DYSF: variants seen among roughly 807,000 people sequenced by gnomAD.
The protein encoded by DYSF is dysferlin.
A neutral mutation model predicts 274.9 loss-of-function variants in DYSF; 212 were observed. That is an observed-to-expected ratio of 0.77 (90% confidence interval 0.69 to 0.86). The LOEUF is 0.86. Among genes scored for constraint, DYSF ranks in the 40% least tolerant of loss-of-function variants. DYSF has a pLI of 0.00. For missense variants in DYSF, 2,666 were observed against 2,783.2 expected (o/e 0.96, Z 0.95); for synonymous variants, 1,091 against 1,078.7 (o/e 1.01, Z -0.22).
At chr2:71,612,417 G>A (rs1319052260) in intron 38 of DYSF, among the ~76,000 whole-genome samples, 2 of 152,200 alleles carry the variant, frequency 1.3e-5, no homozygotes, top group Non-Finnish European at 2.9e-5. Context: ...GCATTTGGAA[G>A]GTAAAGCTGT....
In DYSF at chr2:71,454,040, A is replaced by G. The variant is rs1017462889; in HGVS notation, c.42A>G (p.Thr14=). The stretch of plus-strand genomic sequence containing the variant: ...TCCTCTATGCCGAGAACGTCCACAC[A>G]CCCGACACCGACATCAGCGATGCCT... Residue 14 remains threonine, a synonymous_variant, in exon 1 of 55, where the codon ACA becomes ACG. Transcript: ENST00000258104. The G allele has an allele frequency of 6.2e-6, 10 of 1,613,902 alleles. No individual in the cohort carries two copies. The highest frequency in any genetic ancestry group is 7.6e-6 in the Non-Finnish European group (9 of 1,179,976).
chr2:71,522,207 A>G (rs962137349), intron 12 of DYSF, among the ~76,000 whole-genome samples: 3 of 136,538 alleles, frequency 2.2e-5, no homozygotes, highest in Non-Finnish European at 3.1e-5. Flanking sequence ...CCTCCTCTCC[A>G]CTACTATTTT....
chr2:71,526,415 C>CCTG, intron 13 of DYSF, 69 bp downstream of exon 13: 1 of 411,246 alleles, frequency 2.4e-6, no homozygotes, highest in Non-Finnish European at 3.9e-6. Flanking sequence ...TGGGGGTGGG[C>CCTG]GATGGCGGGC....
intron 17 of DYSF, among the ~76,000 whole-genome samples, chr2:71,540,199 C>T (rs1414747661): frequency 6.6e-6 from 1 of 151,754 alleles, no homozygotes; most frequent in Non-Finnish European, 1.5e-5. Context: ...CAATCTCCGC[C>T]TCCCCAGTTC....
chr2:71,468,608 TC>T (rs2081722372), intron 1 of DYSF, among the ~76,000 whole-genome samples: 1 of 152,184 alleles, frequency 6.6e-6, no homozygotes, highest in African/African-American at 2.4e-5. Flanking sequence ...GATGATCTCC[TC>T]GGAAAACAGA....
intron 35 of DYSF, 182 bp from the exon 36 acceptor site, chr2:71,602,594 G>A: frequency 1.6e-6 from 1 of 615,638 alleles, no homozygotes; most frequent in Admixed American, 2.3e-5. Context: ...GGGCGTGGCT[G>A]GGAAGTGCAT....
intron 34 of DYSF, chr2:71,601,269 C>G (rs771677841): frequency 7.8e-6 from 5 of 638,462 alleles, no homozygotes; most frequent in African/African-American, 1.8e-5. Flanking sequence ...CAAACTTCCT[C>G]TTAGTATGAT....
intron 14 of DYSF, among the ~76,000 whole-genome samples, chr2:71,530,389 C>T (rs1443089588): frequency 2.0e-5 from 3 of 152,158 alleles, no homozygotes; most frequent in Non-Finnish European, 2.9e-5. Context: ...CTCAGAGCTC[C>T]GGGGCTCCGG....
chr2:71,569,336 C>T (rs907509276), intron 26 of DYSF, among the ~76,000 whole-genome samples: 12 of 152,314 alleles, frequency 7.9e-5, no homozygotes, highest in Admixed American at 4.6e-4. Flanking sequence ...GTCAGTCCCT[C>T]TCAGATCCAC....
intron 14 of DYSF, among the ~76,000 whole-genome samples, chr2:71,530,774 GTGTCTCATT>G (rs1462388970): frequency 6.6e-6 from 1 of 152,106 alleles, no homozygotes; most frequent in Non-Finnish European, 1.5e-5. Context: ...CTCTTATGGC[GTGTCTCATT>G]CTGCCTGTCC....
chr2:71,479,985 T>C (rs1275399875), intron 1 of DYSF, among the ~76,000 whole-genome samples: 4 of 152,242 alleles, frequency 2.6e-5, no homozygotes, highest in African/African-American at 9.6e-5. Context: ...GTTGCAATAT[T>C]GTGCAACCAT....
intron 6 of DYSF, among the ~76,000 whole-genome samples, 187 bp from the exon 7 acceptor site, chr2:71,513,529 G>A (rs558031790): frequency 6.6e-6 from 1 of 152,330 alleles, no homozygotes; most frequent in East Asian, 1.9e-4. Flanking sequence ...TTCAGCTGCT[G>A]GAAGCTCCTC....
intron 52 of DYSF, among the ~76,000 whole-genome samples, chr2:71,675,003 T>C (rs1359546688): frequency 6.6e-6 from 1 of 152,180 alleles, no homozygotes; most frequent in African/African-American, 2.4e-5. Flanking sequence ...TGATACATAC[T>C]ACACTGTAGG....
intron 29 of DYSF, among the ~76,000 whole-genome samples, chr2:71,573,002 CAGGG>C (rs2092576249): frequency 6.6e-6 from 1 of 152,242 alleles, no homozygotes; most frequent in Non-Finnish European, 1.5e-5. Flanking sequence ...CGGGGTCACA[CAGGG>C]GCCTGTGCAC....
chr2:71,620,706 A>G, intron 41 of DYSF, 97 bp downstream of exon 41: 2 of 1,290,822 alleles, frequency 1.5e-6, no homozygotes, highest in Admixed American at 4.1e-5. Flanking sequence ...AGTGGGAGGG[A>G]AGAAAGGAGG....
At chr2:71,485,730 C>T (rs1383239279) in intron 3 of DYSF, among the ~76,000 whole-genome samples, 1 of 152,146 alleles carries the variant, frequency 6.6e-6, no homozygotes, top group Non-Finnish European at 1.5e-5. Flanking sequence ...GAAAACCATA[C>T]CAGGGAGTAA....
intron 21 of DYSF, 102 bp downstream of exon 21, chr2:71,554,033 C>T: frequency 1.7e-6 from 2 of 1,192,194 alleles, no homozygotes; most frequent in South Asian, 1.3e-5. Flanking sequence ...CACACACTGA[C>T]ACACGGCTGT....
upstream of DYSF, among the ~76,000 whole-genome samples, chr2:71,465,255 C>T (rs2081457397): frequency 6.6e-6 from 1 of 152,062 alleles, no homozygotes; most frequent in Admixed American, 6.5e-5. Flanking sequence ...CCCAAGTGTC[C>T]AGTTGTTACC....
chr2:71,548,223 C>T (rs151224945), intron 17 of DYSF, among the ~76,000 whole-genome samples: 2 of 152,322 alleles, frequency 1.3e-5, no homozygotes, highest in East Asian at 3.9e-4. Context: ...TGTCTTTGCC[C>T]TGTCCTCACT....
Sources: allele counts gnomAD v4.1 joint callset (sites outside exome capture counted in the v4.1 genomes callset), GRCh38; gene constraint gnomAD v4.1.1; transcripts MANE v1.5; gene names NCBI Gene and HGNC (gene_info 2026-07-23, HGNC 2026-07-21).